Variants in EDC4 observed in about 807,000 individuals in gnomAD.
The protein encoded by EDC4 is enhancer of mRNA decapping 4.
Under a neutral mutation model 155.8 loss-of-function variants are expected in EDC4, and 64 were observed. The observed-to-expected ratio is 0.41, with a 90% CI of 0.34 to 0.51. EDC4 has a LOEUF of 0.51. Among genes scored for constraint, EDC4 ranks in the 20% least tolerant of loss-of-function variants. The pLI, the probability that EDC4 is intolerant of heterozygous loss-of-function variation, is 0.19. For synonymous variants in EDC4, 684 were observed against 716.8 expected, an observed-to-expected ratio of 0.95 and a Z score of 0.73; for missense variants, 1,303 against 1,812.5, an observed-to-expected ratio of 0.72 and a Z score of 5.10.
rs1358049116 is a variant in EDC4, at chr16:67,881,771, C to T, written c.2930C>T (p.Thr977Ile). The T allele has an allele frequency of 1.2e-6, 2 of 1,614,024 alleles. No individual in the cohort carries two copies. The highest frequency in any genetic ancestry group is 1.3e-5 in the African/African-American group (1 of 74,920). Residue 977 changes from threonine to isoleucine, a missense_variant, in exon 22 of 29, where the codon ACC becomes ATC. Thr to Ile is a moderately conservative substitution (Grantham distance 89). This residue lies in a region of EDC4 where 527 missense variants were observed against 757.0 expected (regional missense o/e 0.70). Transcript: ENST00000358933. This position sits in a 1 kb window ranked among gnomAD's most constrained non-coding sequence, Gnocchi z 5.4. Reference protein sequence around the residue: ...SQEELLQRLCTQLEGLQSTVT... With the variant: ...SQEELLQRLCIQLEGLQSTVT... The stretch of plus-strand genomic sequence containing the variant: ...GAAGAGCTGCTGCAGCGTCTGTGTA[C>T]CCAACTCGAAGGCCTGCAGAGCACA...
chr16:67,875,644 C>G (rs902879519), intron 1 of EDC4: 2 of 938,900 alleles, frequency 2.1e-6, no homozygotes, highest in Non-Finnish European at 2.7e-6. Flanking sequence ...CCCTCCTATG[C>G]CCTCACTCAG....
Position 67,878,805 on chromosome 16 carries a change from C to T in EDC4, c.1253C>T (p.Ala418Val). ...CTCAAGGTTTGCTTGGACCTCTCAG[C>T]AGAATACCTGATTCTCAGCGATGTG... ...PSLKVCLDLS[A>V]EYLILSDVQR... Residue 418 changes from alanine to valine, a missense_variant, in exon 11 of 29, where the codon GCA becomes GTA. Ala to Val is a moderately conservative substitution (Grantham distance 64). Around this residue, in one of 5 missense-constraint regions of EDC4, gnomAD observed 235 missense variants for 367.7 expected, o/e 0.64. Transcript: ENST00000358933. This position sits in a 1 kb window ranked among gnomAD's most constrained non-coding sequence, Gnocchi z 5.2. The T allele has an allele frequency of 6.2e-7, 1 of 1,614,100 alleles. No individual in the cohort carries two copies. Among genetic ancestry groups the T allele is most frequent in the Non-Finnish European group, 8.5e-7 (1 of 1,180,032 alleles).
At position 67,883,315 on chromosome 16, in the gene EDC4, A is replaced by T; in HGVS notation, c.3849+138A>T. The stretch of plus-strand genomic sequence containing the variant: ...CTTGGTTCCCTTTGGCCTCCAGGCC[A>T]TTGTCCCTGCTGCTTCCTCTTCCTG... On this transcript the variant is annotated intron_variant, in intron 27 of 28. Coordinates refer to ENST00000358933, the MANE Select transcript of EDC4 (RefSeq NM_014329.5). This position sits in a 1 kb window ranked among gnomAD's most constrained non-coding sequence, Gnocchi z 5.3. 1 of 1,388,854 alleles carries T rather than the reference A, an allele frequency of 7.2e-7. No homozygotes were observed. Among genetic ancestry groups the T allele is most frequent in the East Asian group, 2.5e-5 (1 of 40,506 alleles). 86.0% of individuals were successfully genotyped at this position (1,388,854 alleles called of 1,614,324 possible).
In EDC4 at chr16:67,876,727, G is replaced by C; in HGVS notation, c.351+128G>C. ...TCCCAGTTTCAGGAAGCCAGGGCTGGGTGCCAAGCCTCTGTGGGAGTCTGG... is the reference window on the plus strand; with the variant it reads ...TCCCAGTTTCAGGAAGCCAGGGCTGCGTGCCAAGCCTCTGTGGGAGTCTGG... On this transcript the variant is annotated intron_variant, in intron 3 of 28. Transcript: ENST00000358933. This position sits in a 1 kb window ranked among gnomAD's most constrained non-coding sequence, Gnocchi z 5.8. 6.4e-7 allele frequency: 1 copy of C among 1,556,318 alleles called. No individual in the cohort carries two copies. The highest frequency in any genetic ancestry group is 1.2e-5 in the South Asian group (1 of 81,912).
chr16:67,879,741 C>T lies in EDC4; in HGVS notation c.1788C>T (p.Asp596=), dbSNP rs139443970. The change falls in exon 15 of 29, where the codon GAC becomes GAT. Residue 596 remains aspartate, a synonymous_variant. Transcript: ENST00000358933. This position sits in a 1 kb window ranked among gnomAD's most constrained non-coding sequence, Gnocchi z 6.0. ...CCAAGCCCAAGTTGATGACACCTGA[C>T]GCCTTCATGACACCTAGCGCCTCCT... is the stretch of plus-strand genomic sequence containing the variant. ...SETKPKLMTP[D]AFMTPSASLQ... The T allele has an allele frequency of 2.0e-5, 32 of 1,614,046 alleles. No individual in the cohort carries two copies. The highest frequency in any genetic ancestry group is 1.1e-4 in the African/African-American group (8 of 74,906).
chr16:67,884,185 T>C lies in EDC4; in HGVS notation c.*37T>C. 1 of 1,554,140 alleles carries C rather than the reference T, an allele frequency of 6.4e-7. No homozygotes were observed. Among genetic ancestry groups the C allele is most frequent in the East Asian group, 2.3e-5 (1 of 43,438 alleles). ...GCCTTGCCCAGGGGTGGGATGGCAC[T>C]GAAGGCCAGCAGACAGGCCTAGGCT... On this transcript the variant is annotated 3_prime_UTR_variant, in exon 29 of 29. Coordinates refer to ENST00000358933, the MANE Select transcript of EDC4 (RefSeq NM_014329.5). This position sits in a 1 kb window ranked among gnomAD's most constrained non-coding sequence, Gnocchi z 4.1.
rs371853983 is a variant in EDC4, at chr16:67,879,325, G to A, written c.1541+16G>A. The A allele has an allele frequency of 7.4e-6, 12 of 1,614,074 alleles. No individual in the cohort carries two copies. The highest frequency in any genetic ancestry group is 1.3e-5 in the African/African-American group (1 of 74,932). ...TGCATACTAAGTGAGTGAGTGGGGA[G>A]GCCCGCCAGTGTCCTGTCTGTGTCT... is the stretch of plus-strand genomic sequence containing the variant. On this transcript the variant is annotated intron_variant, in intron 13 of 28. Transcript: ENST00000358933. The surrounding 1 kb of genome is among the most constrained non-coding windows in gnomAD (Gnocchi z 6.0).
In EDC4 at chr16:67,881,694, A is replaced by G; in HGVS notation, c.2853A>G (p.Pro951=). 1 of 1,613,960 alleles carries G rather than the reference A, an allele frequency of 6.2e-7. No homozygotes were observed. Among genetic ancestry groups the G allele is most frequent in the Non-Finnish European group, 8.5e-7 (1 of 1,179,876 alleles). The part of the protein sequence containing the change: ...HQVAEPPEDW[P]ALIWQQQREL... ...TGGCAGAGCCCCCTGAGGACTGGCC[A>G]GCACTAATTTGGCAACAGCAGAGAG... Residue 951 remains proline (P), a synonymous_variant, in exon 22 of 29, where the codon CCA becomes CCG. Coordinates refer to ENST00000358933, the MANE Select transcript of EDC4 (RefSeq NM_014329.5). This position sits in a 1 kb window ranked among gnomAD's most constrained non-coding sequence, Gnocchi z 5.4.
Position 67,877,377 on chromosome 16 carries a change from G to A in EDC4, c.612G>A (p.Trp204Ter). 6.2e-7 allele frequency: 1 copy of A among 1,613,730 alleles called. No homozygotes were observed. The highest frequency in any genetic ancestry group is 8.5e-7 in the Non-Finnish European group (1 of 1,179,922). The change falls in exon 5 of 29, where the codon TGG (tryptophan) becomes TGA (stop). Residue 204 changes from tryptophan (W) to a stop codon, truncating the protein, a stop_gained. Transcript: ENST00000358933. LOFTEE classifies it high-confidence loss of function. This position sits in a 1 kb window ranked among gnomAD's most constrained non-coding sequence, Gnocchi z 4.9. ...ATGAGGCAGGCAACCTGTTCGTGTG[G>A]CGCTTGGCTCTGGTTAATGGCAAAA... ...CLDEAGNLFV[W>*]RLALVNGKIQ...
chr16:67,883,731 G>A lies in EDC4; in HGVS notation c.4013G>A (p.Ser1338Asn). Residue 1338 changes from serine to asparagine, a missense_variant and splice_region_variant, in exon 28 of 29, where the codon AGC (serine) becomes AAC (asparagine). Physicochemically the swap from Ser to Asn is conservative, Grantham distance 46. This residue lies in a region of EDC4 where 527 missense variants were observed against 757.0 expected (regional missense o/e 0.70). Coordinates refer to ENST00000358933, the MANE Select transcript of EDC4 (RefSeq NM_014329.5). The surrounding 1 kb of genome is among the most constrained non-coding windows in gnomAD (Gnocchi z 5.3). ...DLGTRTDLKL[S>N]YLEEAVMHLD... ...GGCACTCGAACTGACCTCAAGCTCAGGTAAGTGGGGACAGCCAGGGATGGG... is the reference window on the plus strand; with the variant it reads ...GGCACTCGAACTGACCTCAAGCTCAAGTAAGTGGGGACAGCCAGGGATGGG... 1 of 1,613,972 alleles carries A rather than the reference G, an allele frequency of 6.2e-7. No individual in the cohort carries two copies. The highest frequency in any genetic ancestry group is 8.5e-7 in the Non-Finnish European group (1 of 1,179,988).
Position 67,882,378 on chromosome 16 carries a change from C to G in EDC4, c.3276+51C>G, listed in dbSNP as rs763853803. The stretch of plus-strand genomic sequence containing the variant: ...GGAGGTGGTGGTTCCTGGGCCTAGT[C>G]AGGCCAGGCTGGGCTCAGGCTTTCA... On this transcript the variant is annotated intron_variant, in intron 24 of 28. Transcript: ENST00000358933. This position sits in a 1 kb window ranked among gnomAD's most constrained non-coding sequence, Gnocchi z 7.2. 1 of 1,613,064 alleles carries G rather than the reference C, an allele frequency of 6.2e-7. No homozygotes were observed. Among genetic ancestry groups the G allele is most frequent in the South Asian group, 1.1e-5 (1 of 90,980 alleles).
chr16:67,878,532 G>A lies in EDC4; in HGVS notation c.1089-4G>A. The stretch of plus-strand genomic sequence containing the variant: ...CAGTCACTCACTGCCTTGTTGCCTT[G>A]CAGTGTCCCTTTCTGGAGGTTCCTT... On this transcript the variant is annotated splice_region_variant and splice_polypyrimidine_tract_variant and intron_variant, in intron 9 of 28. Transcript: ENST00000358933. This position sits in a 1 kb window ranked among gnomAD's most constrained non-coding sequence, Gnocchi z 5.2. The A allele has an allele frequency of 6.2e-7, 1 of 1,614,222 alleles. No individual in the cohort carries two copies. Among genetic ancestry groups the A allele is most frequent in the Non-Finnish European group, 8.5e-7 (1 of 1,180,034 alleles).
rs1462900700 is a variant in EDC4 at position 67,881,851 on chromosome 16, C to G, written c.3004+6C>G. Reference sequence around the variant, plus strand: ...GACTCGGCACGAGCAGGAACGTATCCTTGAGACTGGTAGCACAACATGGCA... The same window carrying G: ...GACTCGGCACGAGCAGGAACGTATCGTTGAGACTGGTAGCACAACATGGCA... On this transcript the variant is annotated splice_donor_region_variant and intron_variant, in intron 22 of 28. Coordinates refer to ENST00000358933, the MANE Select transcript of EDC4 (RefSeq NM_014329.5). This position sits in a 1 kb window ranked among gnomAD's most constrained non-coding sequence, Gnocchi z 5.4. 1 of 1,611,806 alleles carries G rather than the reference C, an allele frequency of 6.2e-7. No individual in the cohort carries two copies. Among genetic ancestry groups the G allele is most frequent in the Non-Finnish European group, 8.5e-7 (1 of 1,178,116 alleles).
Position 67,882,646 on chromosome 16 carries a change from G to A in EDC4, c.3443-33G>A, listed in dbSNP as rs59244064. 19,598 of 1,614,148 alleles carry A rather than the reference G, an allele frequency of 0.012. 1,352 individuals carry two copies. In the African/African-American group the frequency reaches 0.18, roughly 15 times the overall value. ...GGGAGGGGTTATCCTCTTTCCTACT[G>A]TTCCTCTTATAGTCCCTGTGGTCAC... is the stretch of plus-strand genomic sequence containing the variant. On this transcript the variant is annotated intron_variant, in intron 25 of 28. Coordinates refer to ENST00000358933, the MANE Select transcript of EDC4 (RefSeq NM_014329.5). This position sits in a 1 kb window ranked among gnomAD's most constrained non-coding sequence, Gnocchi z 7.2.
Position 67,877,964 on chromosome 16 carries a change from G to A in EDC4, c.894+119G>A. On this transcript the variant is annotated intron_variant, in intron 7 of 28. Transcript: ENST00000358933. The surrounding 1 kb of genome is among the most constrained non-coding windows in gnomAD (Gnocchi z 4.9). ...AGCATTCTGCCCGTGGGGACTCTGA[G>A]CTCAAATTGGCCCTCACCTGTGCAG... 6.6e-7 allele frequency: 1 copy of A among 1,513,086 alleles called. No homozygotes were observed. 93.7% of individuals were successfully genotyped at this position (1,513,086 alleles called of 1,614,324 possible). A position where few individuals can be genotyped will look rare whatever the true frequency, so the allele number is the denominator to read the frequency against.
In EDC4 at chr16:67,880,210, G is replaced by A. The variant is rs753311513; in HGVS notation, c.2091G>A (p.Pro697=). Residue 697 remains proline (P), a synonymous_variant, in exon 17 of 29, where the codon CCG becomes CCA. Coordinates refer to ENST00000358933, the MANE Select transcript of EDC4 (RefSeq NM_014329.5). The surrounding 1 kb of genome is among the most constrained non-coding windows in gnomAD (Gnocchi z 5.2). Reference sequence around the variant, plus strand: ...CTGACAAACTGACTCCCAAGGGGCCGGGCCAGGTGTGTGACTGGGTGTGTG... The same window carrying A: ...CTGACAAACTGACTCCCAAGGGGCCAGGCCAGGTGTGTGACTGGGTGTGTG... The part of the protein sequence containing the change: ...APADKLTPKG[P]GQVPTATSAL... 49 of 1,604,200 alleles carry A rather than the reference G, an allele frequency of 3.1e-5. No individual in the cohort carries two copies. In the South Asian group the frequency reaches 4.6e-4, roughly 15 times the overall value.
chr16:67,873,525 A>G (rs2058029624), intron 1 of EDC4, 182 bp downstream of exon 1: 7 of 470,888 alleles, frequency 1.5e-5, no homozygotes, highest in African/African-American at 2.0e-5. Context: ...ACCCCTCCCT[A>G]TCTTGTCCTC....
rs899411808 is a variant in EDC4 at position 67,883,471 on chromosome 16, C to T, written c.3850-97C>T. On this transcript the variant is annotated intron_variant, in intron 27 of 28. Coordinates refer to ENST00000358933, the MANE Select transcript of EDC4 (RefSeq NM_014329.5). The surrounding 1 kb of genome is among the most constrained non-coding windows in gnomAD (Gnocchi z 5.3). ...AGTCCCTCTGGAGCTCTCACTAGCC[C>T]ACCCTGTGGTCATCCTCCCCCAGGC... The T allele has an allele frequency of 1.3e-6, 2 of 1,543,306 alleles. No homozygotes were observed. Among genetic ancestry groups the T allele is most frequent in the Non-Finnish European group, 8.8e-7 (1 of 1,140,464 alleles).
In EDC4 at chr16:67,880,804, G is replaced by A; in HGVS notation, c.2345G>A (p.Arg782Gln). The change falls in exon 18 of 29, where the codon CGG (arginine) becomes CAG (glutamine). Residue 782 changes from arginine (R) to glutamine (Q), a missense_variant. Coordinates refer to ENST00000358933, the MANE Select transcript of EDC4 (RefSeq NM_014329.5). This position sits in a 1 kb window ranked among gnomAD's most constrained non-coding sequence, Gnocchi z 5.2. ...TCGGCACTGCACCTGCTGTCCCCAC[G>A]GCCCCGGCCAGGGCCCGAGCTCGGC... ...AASALHLLSP[R>Q]PRPGPELGPQ... 2.5e-6 allele frequency: 4 copies of A among 1,613,914 alleles called. No individual in the cohort carries two copies. The highest frequency in any genetic ancestry group is 3.4e-6 in the Non-Finnish European group (4 of 1,179,978).
Sources: allele counts gnomAD v4.1 joint callset, GRCh38; gene constraint gnomAD v4.1.1; regional missense constraint gnomAD v4.1.1; non-coding constraint Gnocchi (gnomAD v3.1); transcripts MANE v1.5; gene names NCBI Gene and HGNC (gene_info 2026-07-23, HGNC 2026-07-21).